Variants in ZNF112 observed in about 807,000 individuals in gnomAD.
ZNF112 encodes zinc finger protein 112 (Y14).
ZNF112 carries 37 observed loss-of-function variants against 77.7 expected under a neutral mutation model. That is an observed-to-expected ratio of 0.48 (90% CI 0.37 to 0.63). ZNF112 has a LOEUF of 0.63. Among genes scored for constraint, ZNF112 ranks in the 20% least tolerant of loss-of-function variants. The probability of loss-of-function intolerance (pLI) is 0.00; values close to 1 mark genes in which losing one functional copy is unlikely to be tolerated. For synonymous variants in ZNF112, 333 were observed against 363.6 expected (o/e 0.92, Z 0.96); for missense variants, 950 against 1,077.4 (o/e 0.88, Z 1.66).
chr19:44,343,523 A>G (rs549344234), intron 1 of ZNF112, among the ~76,000 whole-genome samples: 1 of 152,272 alleles, frequency 6.6e-6, no homozygotes, highest in East Asian at 1.9e-4. Context: ...GTAGCCTCAC[A>G]TGCCTTACAG....
Position 44,328,209 on chromosome 19 carries a change from G to A in ZNF112, c.1948C>T (p.Gln650Ter), listed in dbSNP as rs1392263159. 1.9e-6 allele frequency: 3 copies of A among 1,614,062 alleles called. No individual in the cohort carries two copies. In the South Asian group the frequency reaches 3.3e-5, roughly 18 times the overall value. Reference protein sequence around the residue: ...FSWSFNLQIHQRVHTGEKPYK... With the variant: ...FSWSFNLQIH The stretch of plus-strand genomic sequence containing the variant: ...GGTTTTTCTCCTGTGTGAACCCTCT[G>A]ATGAATTTGAAGATTAAAGCTCCAA... Residue 650 changes from glutamine (Q) to a stop codon, truncating the protein, a stop_gained, in exon 4 of 4, where the codon CAG (glutamine) becomes TAG (stop). Transcript: ENST00000354340. LOFTEE classifies it high-confidence loss of function.
chr19:44,360,895 A>G (rs543582782), upstream of ZNF112, among the ~76,000 whole-genome samples: 1 of 152,338 alleles, frequency 6.6e-6, no homozygotes, highest in East Asian at 1.9e-4. Flanking sequence ...CAAAATACAC[A>G]TATAAGAATG....
intron 1 of ZNF112, among the ~76,000 whole-genome samples, chr19:44,341,600 AAAATCATTTATTAAAAACAT>A (rs1970491491): frequency 6.6e-6 from 1 of 152,202 alleles, no homozygotes; most frequent in African/African-American, 2.4e-5. Flanking sequence ...TTGGGAAGTA[AAAATCATTTATTAAAAACAT>A]TCTCACAAAC....
chr19:44,328,469 TG>T lies in ZNF112; in HGVS notation c.1687del (p.Gln563LysfsTer178). The T allele has an allele frequency of 6.2e-7, 1 of 1,614,114 alleles. No homozygotes were observed. The highest frequency in any genetic ancestry group is 8.5e-7 in the Non-Finnish European group (1 of 1,179,998). On this transcript the variant is annotated frameshift_variant, in exon 4 of 4. Transcript: ENST00000354340. LOFTEE classifies it high-confidence loss of function. ...TCCAGTGTGGACTCTCTGATGGGCT[TG>T]AAGATATGAACTCCGACTGAATCCC... Reference protein sequence around the residue: ...DKGFSRSSYLQAHQRVHTGEK... With the variant: ...DKGFSRSSYLXAHQRVHTGEK...
At chr19:44,332,484 T>C (rs1430775984) in intron 3 of ZNF112, among the ~76,000 whole-genome samples, 1 of 152,222 alleles carries the variant, frequency 6.6e-6, no homozygotes, top group East Asian at 1.9e-4. Flanking sequence ...GGATATATTA[T>C]AGGAGGCATA....
chr19:44,343,144 T>C (rs1970522010), intron 1 of ZNF112: 5 of 1,223,548 alleles, frequency 4.1e-6, no homozygotes, highest in Non-Finnish European at 5.7e-6. Context: ...TAAATGATAC[T>C]AAATGCCTGT....
chr19:44,348,242 C>A (rs1241516270), intron 1 of ZNF112, among the ~76,000 whole-genome samples: 1 of 152,020 alleles, frequency 6.6e-6, no homozygotes, highest in Non-Finnish European at 1.5e-5. Context: ...TGTCTCTCAC[C>A]AAATTTGGGC....
Position 44,327,447 on chromosome 19 carries a change from A to T in ZNF112, c.2710T>A (p.Ser904Thr). The T allele has an allele frequency of 1.9e-6, 3 of 1,594,620 alleles. No individual in the cohort carries two copies. The highest frequency in any genetic ancestry group is 2.6e-6 in the Non-Finnish European group (3 of 1,169,964). The change falls in exon 4 of 4, where the codon TCT (serine) becomes ACT (threonine). Residue 904 changes from serine to threonine, a missense_variant. Ser to Thr is a moderately conservative substitution (Grantham distance 58). Around this residue, in one of 3 missense-constraint regions of ZNF112, gnomAD observed 373 missense variants for 482.8 expected, o/e 0.77. Transcript: ENST00000354340. ...ATTTGAGGACTTCAAAACAAAACAG[A>T]ATCTTCATTTCTGTGTAGATTCTCT... is the stretch of plus-strand genomic sequence containing the variant. ...SSENLHRNED[S>T]VLF
chr19:44,351,003 G>C (rs971578910), intron 1 of ZNF112, among the ~76,000 whole-genome samples: 2 of 152,200 alleles, frequency 1.3e-5, no homozygotes, highest in Admixed American at 1.3e-4. Flanking sequence ...GAGATCAGAA[G>C]TCTAAAATCA....
At chr19:44,366,956 T>C in intron 1 of ZNF112, 1 of 425,308 alleles carries the variant, frequency 2.4e-6, no homozygotes, top group Admixed American at 2.6e-5. Context: ...ACTTCCCAAT[T>C]TCACACCCCT....
At chr19:44,338,031 G>A (rs1237647450) in intron 2 of ZNF112, among the ~76,000 whole-genome samples, 1 of 146,464 alleles carries the variant, frequency 6.8e-6, no homozygotes. Context: ...GTAAAGATGA[G>A]CACAAAATAC....
intron 1 of ZNF112, among the ~76,000 whole-genome samples, chr19:44,347,383 G>C (rs1970610032): frequency 6.6e-6 from 1 of 151,066 alleles, no homozygotes. Context: ...TATAATTATT[G>C]ATATAGCTGG....
chr19:44,363,647 T>C (rs1970875952), intron 1 of ZNF112, among the ~76,000 whole-genome samples: 1 of 152,246 alleles, frequency 6.6e-6, no homozygotes, highest in East Asian at 1.9e-4. Context: ...TGTTCTATTG[T>C]ATGAATATAA....
intron 1 of ZNF112, chr19:44,343,128 G>T: frequency 1.0e-6 from 1 of 1,000,966 alleles, no homozygotes; most frequent in Non-Finnish European, 1.5e-6. Flanking sequence ...GCAAGAGCCT[G>T]ATACATAAAT....
upstream of ZNF112, among the ~76,000 whole-genome samples, chr19:44,357,343 A>C (rs1970803325): frequency 6.6e-6 from 1 of 152,212 alleles, no homozygotes; most frequent in South Asian, 2.1e-4. Context: ...AAAAGAAAAG[A>C]ATTACAGAAT....
At position 44,334,716 on chromosome 19, in the gene ZNF112, G is replaced by A. The variant is rs190374439; in HGVS notation, c.220+1907C>T. On this transcript the variant is annotated intron_variant, in intron 3 of 3. Transcript: ENST00000354340. Reference sequence around the variant, plus strand: ...ATAGCTCAGGCCATTGCTTCAGAGGGTGCAAACCCCAAGCCTTGGCAGCTT... The same window carrying A: ...ATAGCTCAGGCCATTGCTTCAGAGGATGCAAACCCCAAGCCTTGGCAGCTT... Among the ~76,000 whole-genome samples the A allele has an allele frequency of 6.5e-4, 99 of 152,384 alleles. 2 individuals carry two copies. The highest frequency in any genetic ancestry group is 2.2e-3 in the African/African-American group (91 of 41,596).
chr19:44,366,586 C>G (rs1970906641), intron 1 of ZNF112, among the ~76,000 whole-genome samples: 1 of 152,082 alleles, frequency 6.6e-6, no homozygotes, highest in Non-Finnish European at 1.5e-5. Context: ...GTGTCTCCCT[C>G]CTGCACGAAT....
chr19:44,328,802 A>G lies in ZNF112; in HGVS notation c.1355T>C (p.Phe452Ser), dbSNP rs758849029. The change falls in exon 4 of 4, where the codon TTT becomes TCT. Residue 452 changes from phenylalanine to serine, a missense_variant. Transcript: ENST00000354340. ...CGNGFSLASH[F>S]QDLQIVHTKE... ...AGTGTGGACTATCTGAAGGTCCTGA[A>G]AATGTGAGGCCAGACTGAAGCCATT... The G allele has an allele frequency of 2.5e-6, 4 of 1,614,064 alleles. No individual in the cohort carries two copies. The Admixed American group carries it at 6.7e-5, about 27-fold the overall frequency.
chr19:44,364,355 T>C (rs1970882711), intron 1 of ZNF112, among the ~76,000 whole-genome samples: 1 of 152,254 alleles, frequency 6.6e-6, no homozygotes, highest in Non-Finnish European at 1.5e-5. Context: ...CTTTGTAAAG[T>C]AACTGTTCAA....
Sources: allele counts gnomAD v4.1 joint callset (sites outside exome capture counted in the v4.1 genomes callset), GRCh38; gene constraint gnomAD v4.1.1; regional missense constraint gnomAD v4.1.1; transcripts MANE v1.5; gene names NCBI Gene and HGNC (gene_info 2026-07-23, HGNC 2026-07-21).